Variants in NUCKS1 observed in about 807,000 individuals in gnomAD.
NUCKS1 encodes nuclear ubiquitous casein and cyclin-dependent kinase substrate 1.
NUCKS1 carries 2 observed loss-of-function variants against 33.0 expected under a neutral mutation model. The observed-to-expected ratio is 0.06, with a 90% CI of 0.02 to 0.19. NUCKS1 has a LOEUF of 0.19. Among genes scored for constraint, NUCKS1 ranks in the 10% least tolerant of loss-of-function variants. The probability of loss-of-function intolerance (pLI) is 1.00; values close to 1 mark genes in which losing one functional copy is unlikely to be tolerated. For missense variants in NUCKS1, 201 were observed against 293.6 expected (o/e 0.68, Z 2.31); for synonymous variants, 106 against 102.8 (o/e 1.03, Z -0.19).
chr1:205,722,579 G>A (rs1671941740), intron 4 of NUCKS1, among the ~76,000 whole-genome samples: 1 of 152,128 alleles, frequency 6.6e-6, no homozygotes, highest in Admixed American at 6.5e-5. Context: ...TTTTGATAGA[G>A]ACAGGGTTTT....
At chr1:205,724,036 T>C (rs776067288) in intron 3 of NUCKS1, 55 bp from the exon 4 acceptor site, 10 of 1,224,776 alleles carry the variant, frequency 8.2e-6, no homozygotes, top group Non-Finnish European at 1.2e-5. Flanking sequence ...AAAATCTAAG[T>C]GAACATAGAT....
At chr1:205,749,654 C>T (rs926799604) in intron 1 of NUCKS1, among the ~76,000 whole-genome samples, 1 of 152,076 alleles carries the variant, frequency 6.6e-6, no homozygotes, top group South Asian at 2.1e-4. Context: ...CACCCCTCCC[C>T]CTCCGGCCGC....
intron 1 of NUCKS1, among the ~76,000 whole-genome samples, chr1:205,748,694 T>C (rs1654392468): frequency 6.6e-6 from 1 of 152,154 alleles, no homozygotes; most frequent in African/African-American, 2.4e-5. Context: ...CAGAACGGTG[T>C]AGAACAAAAC....
At chr1:205,730,249 G>A (rs1571577589) in intron 1 of NUCKS1, among the ~76,000 whole-genome samples, 1 of 151,886 alleles carries the variant, frequency 6.6e-6, no homozygotes, top group East Asian at 1.9e-4. Context: ...GTCTCCTGGT[G>A]TTGCCCAGGC....
rs575910364 is a variant in NUCKS1 at position 205,716,128 on chromosome 1, A to G, written c.*2152T>C. On this transcript the variant is annotated 3_prime_UTR_variant, in exon 7 of 7. Transcript: ENST00000367142. The stretch of plus-strand genomic sequence containing the variant: ...GAAGCCCAATCAAATGCACACAAGT[A>G]ATCTAGAAGACATGATTACCTCTAA... 1 of 152,352 alleles carries G rather than the reference A, an allele frequency of 6.6e-6. No homozygotes were observed. The highest frequency in any genetic ancestry group is 1.9e-4 in the East Asian group (1 of 5,190). The allele number at this position is 152,352 out of a possible 1,614,324, so 9.4% of individuals were successfully genotyped here.
chr1:205,741,508 T>C (rs538457836), intron 1 of NUCKS1, among the ~76,000 whole-genome samples: 1 of 152,006 alleles, frequency 6.6e-6, no homozygotes, highest in East Asian at 1.9e-4. Context: ...CTGAGTAGAG[T>C]CCCATGGTCT....
intron 1 of NUCKS1, among the ~76,000 whole-genome samples, chr1:205,732,322 T>C (rs1038539618): frequency 1.3e-5 from 2 of 152,236 alleles, no homozygotes; most frequent in South Asian, 4.1e-4. Context: ...ATGAGGGACC[T>C]AGAGTAGATG....
Position 205,749,741 on chromosome 1 carries a change from G to A in NUCKS1, c.17+216C>T, listed in dbSNP as rs1033918975. Among the ~76,000 whole-genome samples the A allele has an allele frequency of 3.4e-4, 52 of 151,320 alleles. 1 individual carries two copies. In the East Asian group the frequency reaches 0.01, roughly 29 times the overall value. On this transcript the variant is annotated intron_variant, in intron 1 of 6. Coordinates refer to ENST00000367142, the MANE Select transcript of NUCKS1 (RefSeq NM_022731.5). ...GCTGAGCAGACCGGAGCCCTGCAGCGGCGCGGGGCGGGGAGGGGCGCGCGC... is the reference window on the plus strand; with the variant it reads ...GCTGAGCAGACCGGAGCCCTGCAGCAGCGCGGGGCGGGGAGGGGCGCGCGC...
chr1:205,731,309 C>T (rs946694037), intron 1 of NUCKS1: 1 of 152,300 alleles, frequency 6.6e-6, no homozygotes, highest in Non-Finnish European at 1.5e-5. Context: ...AATGGTTAGC[C>T]TGTCCTGACT....
rs1272821384 is a variant in NUCKS1 at position 205,718,492 on chromosome 1, A to G, written c.533-13T>C. On this transcript the variant is annotated splice_polypyrimidine_tract_variant and intron_variant, in intron 6 of 6. Transcript: ENST00000367142. ...GGACTTGGCGTCACTGAAAATAGAA[A>G]AATAATTTGGGGAAGGGAAGAGAAA... The G allele has an allele frequency of 6.2e-7, 1 of 1,606,102 alleles. No individual in the cohort carries two copies. The highest frequency in any genetic ancestry group is 1.7e-5 in the Admixed American group (1 of 58,546).
Position 205,714,879 on chromosome 1 carries a change from G to T in NUCKS1, c.*3401C>A, listed in dbSNP as rs1402522521. 1 of 152,120 alleles carries T rather than the reference G, an allele frequency of 6.6e-6. No individual in the cohort carries two copies. The highest frequency in any genetic ancestry group is 1.5e-5 in the Non-Finnish European group (1 of 68,020). 9.4% of individuals were successfully genotyped at this position (152,120 alleles called of 1,614,324 possible). On this transcript the variant is annotated 3_prime_UTR_variant, in exon 7 of 7. Transcript: ENST00000367142. ...TGCAGCTACCAATGATGCAGGCAAA[G>T]AACTGTTCAAGCCAGCACTCATTCT...
At chr1:205,729,839 T>G (rs567941138) in intron 1 of NUCKS1, among the ~76,000 whole-genome samples, 1 of 152,002 alleles carries the variant, frequency 6.6e-6, no homozygotes, top group African/African-American at 2.4e-5. Context: ...CTAACCAACA[T>G]AGAGAAACCT....
intron 3 of NUCKS1, among the ~76,000 whole-genome samples, 165 bp downstream of exon 3, chr1:205,727,535 G>A (rs1653809258): frequency 6.6e-6 from 1 of 152,160 alleles, no homozygotes; most frequent in South Asian, 2.1e-4. Flanking sequence ...ATAACAAATT[G>A]TATACTCGAG....
chr1:205,724,096 A>C (rs1671964862), intron 3 of NUCKS1, 115 bp from the exon 4 acceptor site: 1 of 808,720 alleles, frequency 1.2e-6, no homozygotes, highest in Non-Finnish European at 2.2e-6. Flanking sequence ...TCTATATAAA[A>C]TCTTCAAACA....
At chr1:205,722,147 C>T (rs1186099750) in intron 4 of NUCKS1, among the ~76,000 whole-genome samples, 3 of 151,960 alleles carry the variant, frequency 2.0e-5, no homozygotes, top group African/African-American at 7.3e-5. Context: ...GCAATCTTGG[C>T]TCATTGCAGC....
Position 205,727,708 on chromosome 1 carries a change from C to T in NUCKS1, c.165G>A (p.Gln55=), listed in dbSNP as rs150082904. The change falls in exon 3 of 7, where the codon CAG becomes CAA. Residue 55 remains glutamine, a synonymous_variant. Transcript: ENST00000367142. The part of the protein sequence containing the change: ...KNKRRSGKNS[Q]EDSEDSEDKD... ...AAAACAATGCCTCTTACCTATCTTC[C>T]TGTGAATTCTTTCCAGATCGCCTCT... The T allele has an allele frequency of 3.6e-5, 58 of 1,610,424 alleles. No individual in the cohort carries two copies. In the African/African-American group the frequency reaches 6.4e-4, roughly 18 times the overall value.
chr1:205,745,386 G>A (rs1321912479), intron 1 of NUCKS1, among the ~76,000 whole-genome samples: 1 of 152,164 alleles, frequency 6.6e-6, no homozygotes, highest in African/African-American at 2.4e-5. Flanking sequence ...CTACCTGAAA[G>A]GCTGAGGTGG....
intron 4 of NUCKS1, among the ~76,000 whole-genome samples, chr1:205,722,008 G>C (rs1180206917): frequency 6.6e-6 from 1 of 151,730 alleles, no homozygotes; most frequent in Non-Finnish European, 1.5e-5. Context: ...AGATTAATTA[G>C]TGAAAGACAT....
intron 4 of NUCKS1, among the ~76,000 whole-genome samples, chr1:205,721,676 CT>C (rs202035796): frequency 0.024 from 3,421 of 143,236 alleles, 38 homozygotes; most frequent in South Asian, 0.043. Flanking sequence ...TGTGGAAAAC[CT>C]TTTTTTTTTT....
Sources: allele counts gnomAD v4.1 joint callset (sites outside exome capture counted in the v4.1 genomes callset), GRCh38; gene constraint gnomAD v4.1.1; transcripts MANE v1.5; gene names NCBI Gene and HGNC (gene_info 2026-07-23, HGNC 2026-07-21).